The following ATRNL1 variants were observed in gnomAD, a reference collection of about 807,000 sequenced individuals.
ATRNL1 encodes the protein attractin-like protein 1.
Under a neutral mutation model 182.7 loss-of-function variants are expected in ATRNL1, and 95 were observed. The ratio of observed to expected loss-of-function variants is 0.52; its 90% confidence interval spans 0.44 to 0.62. The LOEUF (loss-of-function observed/expected upper bound fraction) is 0.62, where lower values mean the gene tolerates loss of function less well. Ranked by LOEUF, ATRNL1 falls within the 20% of genes least tolerant of loss-of-function variation. ATRNL1 has a pLI of 0.00. For missense variants in ATRNL1, 1,471 were observed against 1,679.5 expected (o/e 0.88, Z 2.17); for synonymous variants, 576 against 568.3 (o/e 1.01, Z -0.19).
At chr10:115,824,352 C>A in intron 27 of ATRNL1, among the ~76,000 whole-genome samples, 1 of 152,238 alleles carries the variant, frequency 6.6e-6, no homozygotes, top group Middle Eastern at 3.4e-3. Flanking sequence ...CAATACCATT[C>A]AGGACATAGG....
intron 13 of ATRNL1, among the ~76,000 whole-genome samples, chr10:115,272,360 G>C (rs1466519569): frequency 6.6e-6 from 1 of 152,154 alleles, no homozygotes; most frequent in African/African-American, 2.4e-5. Context: ...CCCTGTACTA[G>C]AAGCAGTCAC....
At chr10:115,756,666 T>A (rs1948598049) in intron 27 of ATRNL1, among the ~76,000 whole-genome samples, 1 of 152,174 alleles carries the variant, frequency 6.6e-6, no homozygotes, top group African/African-American at 2.4e-5. Context: ...GTTCTGTAGA[T>A]GTCTGTTAGG....
At chr10:115,894,226 A>T (rs1555111945) in intron 28 of ATRNL1, among the ~76,000 whole-genome samples, 1 of 152,194 alleles carries the variant, frequency 6.6e-6, no homozygotes, top group Admixed American at 6.5e-5. Flanking sequence ...TGGGACTGAG[A>T]TGATGGCTGA....
chr10:115,835,628 C>T (rs1213236175), intron 27 of ATRNL1, among the ~76,000 whole-genome samples: 2 of 152,188 alleles, frequency 1.3e-5, no homozygotes, highest in African/African-American at 4.8e-5. Flanking sequence ...TGGGCCTTGG[C>T]CCAGTCACTC....
At chr10:115,771,877 T>C (rs78560229) in intron 27 of ATRNL1, among the ~76,000 whole-genome samples, 4,625 of 152,274 alleles carry the variant, frequency 0.03, 212 homozygotes, top group African/African-American at 0.1. Context: ...AAATTGTTCA[T>C]AACAAGAACA....
chr10:115,299,116 A>G (rs1853347203), intron 15 of ATRNL1, among the ~76,000 whole-genome samples: 1 of 151,908 alleles, frequency 6.6e-6, no homozygotes, highest in Non-Finnish European at 1.5e-5. Flanking sequence ...GAGTTTTGAC[A>G]TCATTTCACA....
At chr10:115,491,315 T>C (rs1393947245) in intron 24 of ATRNL1, among the ~76,000 whole-genome samples, 1 of 152,172 alleles carries the variant, frequency 6.6e-6, no homozygotes, top group African/African-American at 2.4e-5. Flanking sequence ...CAGGCAGTGA[T>C]GTTTAAGTCT....
chr10:115,532,105 G>A (rs1182220278), intron 25 of ATRNL1, among the ~76,000 whole-genome samples: 2 of 151,464 alleles, frequency 1.3e-5, no homozygotes, highest in East Asian at 1.9e-4. Context: ...TTCACTTGGC[G>A]ATGCGGGCTC....
chr10:115,293,189 T>C (rs1169203122), intron 15 of ATRNL1, among the ~76,000 whole-genome samples: 1 of 152,124 alleles, frequency 6.6e-6, no homozygotes, highest in Non-Finnish European at 1.5e-5. Context: ...ACTTTTGCTT[T>C]CTGTTTGCAT....
intron 28 of ATRNL1, among the ~76,000 whole-genome samples, chr10:115,879,164 G>A (rs1466814814): frequency 6.6e-6 from 1 of 151,896 alleles, no homozygotes; most frequent in Non-Finnish European, 1.5e-5. Context: ...AAAAATAGCT[G>A]GGCATGGTGA....
intron 26 of ATRNL1, among the ~76,000 whole-genome samples, chr10:115,658,311 A>G (rs562245930): frequency 3.3e-5 from 5 of 151,530 alleles, no homozygotes; most frequent in East Asian, 3.9e-4. Context: ...TTTTATATCT[A>G]TATATGAGTC....
intron 26 of ATRNL1, among the ~76,000 whole-genome samples, chr10:115,561,690 G>GTGTGTGTGTGTGTGTGTGTGT (rs1853734733): frequency 4.0e-5 from 2 of 50,444 alleles, no homozygotes; most frequent in African/African-American, 1.4e-4. Flanking sequence ...TGTGTGTGTG[G>GTGTGTGTGTGTGTGTGTGTGT]GTGTGTGTGT....
chr10:115,194,782 C>T (rs1848296721), intron 8 of ATRNL1, among the ~76,000 whole-genome samples: 1 of 150,574 alleles, frequency 6.6e-6, no homozygotes, highest in Non-Finnish European at 1.5e-5. Context: ...TTCTGAATTC[C>T]TTTGTATAAA....
intron 26 of ATRNL1, among the ~76,000 whole-genome samples, chr10:115,601,347 C>A (rs1035853607): frequency 3.3e-5 from 5 of 152,036 alleles, no homozygotes; most frequent in African/African-American, 1.2e-4. Context: ...TAGAAAAAAT[C>A]GTAATTATTG....
intron 27 of ATRNL1, among the ~76,000 whole-genome samples, chr10:115,835,526 G>C (rs1555095128): frequency 6.6e-6 from 1 of 152,158 alleles, no homozygotes; most frequent in African/African-American, 2.4e-5. Context: ...TGGGAGAATT[G>C]GGAAAGGCAA....
intron 19 of ATRNL1, among the ~76,000 whole-genome samples, chr10:115,336,775 T>A (rs1855497452): frequency 6.6e-6 from 1 of 152,210 alleles, no homozygotes; most frequent in Admixed American, 6.5e-5. Flanking sequence ...TTCTTGAGAA[T>A]GACTTTTTAG....
chr10:115,099,674 C>T (rs1049811372), intron 1 of ATRNL1, among the ~76,000 whole-genome samples: 7 of 152,066 alleles, frequency 4.6e-5, no homozygotes, highest in African/African-American at 1.7e-4. Flanking sequence ...GTTTGCATTT[C>T]CCGAATTACT....
At chr10:115,868,605 A>C (rs1040671418) in intron 28 of ATRNL1, among the ~76,000 whole-genome samples, 1 of 152,210 alleles carries the variant, frequency 6.6e-6, no homozygotes, top group South Asian at 2.1e-4. Flanking sequence ...ACACACAGAG[A>C]CACAGAAGCC....
At chr10:115,732,637 G>A (rs11595693) in intron 27 of ATRNL1, among the ~76,000 whole-genome samples, 29,655 of 151,920 alleles carry the variant, frequency 0.2, 3,347 homozygotes, top group South Asian at 0.29. Context: ...CTGAGGCTCT[G>A]AGAGCTTCAG....
Sources: allele counts gnomAD v4.1 joint callset (sites outside exome capture counted in the v4.1 genomes callset), GRCh38; gene constraint gnomAD v4.1.1; transcripts MANE v1.5; gene names NCBI Gene and HGNC (gene_info 2026-07-23, HGNC 2026-07-21).